Variants in DCDC2C observed in about 807,000 individuals in gnomAD.
DCDC2C encodes the protein doublecortin domain-containing protein 2C.
Under a neutral mutation model 45.0 loss-of-function variants are expected in DCDC2C, and 44 were observed. The ratio of observed to expected loss-of-function variants is 0.98; its 90% CI spans 0.77 to 1.26. DCDC2C has a LOEUF of 1.26. DCDC2C is among the 50% of genes most tolerant of loss of function. The probability of loss-of-function intolerance (pLI) is 0.00; values close to 1 mark genes in which losing one functional copy is unlikely to be tolerated. For missense variants in DCDC2C, 447 were observed against 468.9 expected, an observed-to-expected ratio of 0.95 and a Z score of 0.43; for synonymous variants, 187 against 178.8, an observed-to-expected ratio of 1.05 and a Z score of -0.37.
intron 8 of DCDC2C, among the ~76,000 whole-genome samples, chr2:3,772,999 A>T (rs1233551582): frequency 6.6e-6 from 1 of 152,222 alleles, no homozygotes; most frequent in Non-Finnish European, 1.5e-5. Context: ...GGGAAGCGGT[A>T]ACCTGAGTTA....
At chr2:3,729,622 G>A (rs62106633) in intron 3 of DCDC2C, among the ~76,000 whole-genome samples, 19,555 of 152,170 alleles carry the variant, frequency 0.13, 1,388 homozygotes, top group Admixed American at 0.17. Flanking sequence ...TCTGTCCTCC[G>A]CCAGAGACTG....
chr2:3,749,568 G>A (rs1669477233), intron 4 of DCDC2C, among the ~76,000 whole-genome samples: 1 of 152,196 alleles, frequency 6.6e-6, no homozygotes, highest in African/African-American at 2.4e-5. Flanking sequence ...CACCCTGTGA[G>A]TAGACTTTGT....
At chr2:3,775,647 G>C (rs1427184759) in intron 8 of DCDC2C, among the ~76,000 whole-genome samples, 7 of 63,926 alleles carry the variant, frequency 1.1e-4, no homozygotes, top group African/African-American at 5.0e-4. Flanking sequence ...GAGCTAGGCA[G>C]CTGTGGCTGT....
chr2:3,743,005 G>T (rs964668287), intron 4 of DCDC2C, among the ~76,000 whole-genome samples: 1 of 152,180 alleles, frequency 6.6e-6, no homozygotes, highest in South Asian at 2.1e-4. Flanking sequence ...AGATAATCTG[G>T]GTTGGCCTTC....
At chr2:3,784,129 T>G (rs1018689716) in intron 9 of DCDC2C, among the ~76,000 whole-genome samples, 1 of 152,214 alleles carries the variant, frequency 6.6e-6, no homozygotes, top group African/African-American at 2.4e-5. Flanking sequence ...GGTTTTTTTG[T>G]TGTTAAATCA....
At chr2:3,705,902 A>T (rs1489829128) in intron 1 of DCDC2C, among the ~76,000 whole-genome samples, 1 of 152,228 alleles carries the variant, frequency 6.6e-6, no homozygotes, top group Non-Finnish European at 1.5e-5. Context: ...CGTGTGGCAG[A>T]CAGCCTGGGT....
At chr2:3,786,851 T>C (rs1294488089) in intron 10 of DCDC2C, among the ~76,000 whole-genome samples, 1 of 152,266 alleles carries the variant, frequency 6.6e-6, no homozygotes, top group East Asian at 1.9e-4. Flanking sequence ...GCATTTTACA[T>C]GTTTATAGGT....
At chr2:3,825,321 A>G (rs764840226) in intron 10 of DCDC2C, among the ~76,000 whole-genome samples, 3 of 152,178 alleles carry the variant, frequency 2.0e-5, no homozygotes, top group Admixed American at 6.5e-5. Flanking sequence ...TCTTTCTCTT[A>G]GGCCCTGCCC....
At chr2:3,760,663 C>T (rs981934334) in intron 6 of DCDC2C, among the ~76,000 whole-genome samples, 6 of 152,002 alleles carry the variant, frequency 3.9e-5, no homozygotes, top group Non-Finnish European at 8.8e-5. Context: ...GCACATCACA[C>T]ACTGGGGCCT....
At chr2:3,839,476 T>C (rs1672156702) in intron 10 of DCDC2C, among the ~76,000 whole-genome samples, 1 of 152,160 alleles carries the variant, frequency 6.6e-6, no homozygotes, top group South Asian at 2.1e-4. Context: ...CACATAATAC[T>C]TTAAAATGTA....
chr2:3,795,373 TA>T lies in DCDC2C; in HGVS notation c.1065+10274del, dbSNP rs1266536106. Among the ~76,000 whole-genome samples, 811 of 129,392 alleles carry T rather than the reference TA, an allele frequency of 6.3e-3. 9 individuals carry two copies. Among genetic ancestry groups the T allele is most frequent in the African/African-American group, 0.022 (785 of 34,998 alleles). The allele number at this position is 129,392 out of a possible 152,430, so 84.9% of individuals were successfully genotyped here. On this transcript the variant is annotated intron_variant, in intron 10 of 10. Transcript: ENST00000399143. ...TGTGCAGAAGGCTCTTTAGTTTAAT[TA>T]GATCCCATTTGTCAATTTTGTCTTT...
At chr2:3,778,421 A>C (rs1670412056) in intron 8 of DCDC2C, among the ~76,000 whole-genome samples, 2 of 152,190 alleles carry the variant, frequency 1.3e-5, no homozygotes, top group South Asian at 4.1e-4. Flanking sequence ...GGAAATAACC[A>C]TGGAGAGTGA....
chr2:3,744,915 G>T (rs1669316778), intron 4 of DCDC2C, among the ~76,000 whole-genome samples: 2 of 152,232 alleles, frequency 1.3e-5, no homozygotes, highest in South Asian at 4.1e-4. Context: ...AAGAAATAAA[G>T]CTGTGTGCAG....
chr2:3,779,896 T>C (rs1572611584), intron 9 of DCDC2C, among the ~76,000 whole-genome samples: 1 of 152,136 alleles, frequency 6.6e-6, no homozygotes, highest in Non-Finnish European at 1.5e-5. Flanking sequence ...CCCCGGCGCC[T>C]GACACAACTT....
intron 2 of DCDC2C, among the ~76,000 whole-genome samples, chr2:3,711,026 A>G (rs1226062001): frequency 1.3e-5 from 2 of 152,244 alleles, no homozygotes; most frequent in African/African-American, 2.4e-5. Flanking sequence ...TGAACTAATT[A>G]CATTCCCACC....
intron 4 of DCDC2C, among the ~76,000 whole-genome samples, chr2:3,751,206 G>T (rs1008529175): frequency 1.1e-4 from 16 of 152,154 alleles, no homozygotes; most frequent in African/African-American, 3.4e-4. Flanking sequence ...CAGTTGCTTT[G>T]GGGGTGCCCT....
At position 3,785,159 on chromosome 2, in the gene DCDC2C, C is replaced by A. The variant is rs1358617353; in HGVS notation, c.1065+59C>A. On this transcript the variant is annotated intron_variant, in intron 10 of 10. Coordinates refer to ENST00000399143, the MANE Select transcript of DCDC2C (RefSeq NM_001287444.2). ...TTTTCTATTCTGAAGACAGACCTAA[C>A]AAGAGAATCCACGGATCCCCAAATC... 5.9e-6 allele frequency: 7 copies of A among 1,185,778 alleles called. No individual in the cohort carries two copies. In the African/African-American group the frequency reaches 9.5e-5, roughly 16 times the overall value. 73.5% of individuals were successfully genotyped at this position (1,185,778 alleles called of 1,614,324 possible). A position where few individuals can be genotyped will look rare whatever the true frequency, so the allele number is the denominator to read the frequency against.
intron 6 of DCDC2C, among the ~76,000 whole-genome samples, chr2:3,766,308 A>ACG (rs149165088): frequency 0.1 from 15,273 of 150,034 alleles, 1,047 homozygotes; most frequent in East Asian, 0.32. Context: ...ATACACACAC[A>ACG]CGCACACACA....
chr2:3,789,621 A>G (rs1183352373), intron 10 of DCDC2C, among the ~76,000 whole-genome samples: 2 of 152,222 alleles, frequency 1.3e-5, no homozygotes, highest in Non-Finnish European at 2.9e-5. Context: ...CAAGTTTTCA[A>G]CAACTCTCCA....
Sources: gnomAD v4.1 joint callset for allele counts (sites outside exome capture counted in the v4.1 genomes callset) on GRCh38, gnomAD v4.1.1 for gene constraint, MANE v1.5 for transcripts, NCBI Gene and HGNC (gene_info 2026-07-23, HGNC 2026-07-21) for gene names.